Variants in MSRA observed in about 807,000 individuals in gnomAD.
The protein encoded by MSRA is methionine sulfoxide reductase A.
Under a neutral mutation model 31.3 loss-of-function variants are expected in MSRA, and 54 were observed. The observed-to-expected ratio is 1.73, with a 90% CI of 1.39 to 2.17. The LOEUF is 2.17. Ranked by LOEUF, MSRA falls within the 30% of genes most tolerant of loss-of-function variation. The pLI is 0.00. For missense variants in MSRA, 507 were observed against 300.9 expected (o/e 1.69, Z -5.07); for synonymous variants, 169 against 116.5 (o/e 1.45, Z -2.90).
At position 10,088,470 on chromosome 8, in the gene MSRA, C is replaced by A. The variant is rs891697518; in HGVS notation, c.142+33812C>A. On this transcript the variant is annotated intron_variant, in intron 1 of 5. Transcript: ENST00000317173. ...GAGGAACTGGCCAGGCGTGGTGGCT[C>A]ACACCTGTAATCCCAGCACTTCGGG... is the stretch of plus-strand genomic sequence containing the variant. Among the ~76,000 whole-genome samples, 3 of 152,044 alleles carry A rather than the reference C, an allele frequency of 2.0e-5. No homozygotes were observed. The East Asian group carries it at 5.8e-4, about 29-fold the overall frequency.
intron 1 of MSRA, among the ~76,000 whole-genome samples, chr8:10,158,599 G>C (rs986956309): frequency 2.0e-5 from 3 of 152,206 alleles, no homozygotes; most frequent in Non-Finnish European, 4.4e-5. Context: ...ATCCATAATT[G>C]TATGGAGACA....
chr8:10,342,544 T>G (rs1803493584), intron 5 of MSRA, among the ~76,000 whole-genome samples: 1 of 152,200 alleles, frequency 6.6e-6, no homozygotes, highest in African/African-American at 2.4e-5. Context: ...CTGCTGATCT[T>G]GATTGCACAG....
chr8:10,136,466 G>T (rs1260036355), intron 1 of MSRA, among the ~76,000 whole-genome samples: 5 of 152,166 alleles, frequency 3.3e-5, no homozygotes, highest in African/African-American at 7.2e-5. Flanking sequence ...CCCAGCTCGG[G>T]AGCCCACAAG....
chr8:10,306,181 C>T (rs1172295005), intron 4 of MSRA, among the ~76,000 whole-genome samples: 1 of 152,122 alleles, frequency 6.6e-6, no homozygotes, highest in African/African-American at 2.4e-5. Context: ...GGCCCCTTCC[C>T]AACCACATGA....
At chr8:10,057,211 G>A (rs1802421696) in intron 1 of MSRA, among the ~76,000 whole-genome samples, 2 of 152,292 alleles carry the variant, frequency 1.3e-5, no homozygotes, top group South Asian at 2.1e-4. Context: ...TTTGCAGCCT[G>A]CTGTGTTCAG....
chr8:10,390,843 G>T (rs2129179403), intron 5 of MSRA, among the ~76,000 whole-genome samples: 1 of 152,266 alleles, frequency 6.6e-6, no homozygotes, highest in East Asian at 1.9e-4. Flanking sequence ...GGGCGCGGTG[G>T]CAGGCGCCTG....
At chr8:10,330,820 T>C (rs1417356933) in intron 5 of MSRA, among the ~76,000 whole-genome samples, 1 of 152,204 alleles carries the variant, frequency 6.6e-6, no homozygotes, top group Admixed American at 6.5e-5. Context: ...TGATACAGCA[T>C]ATAAAGAAGC....
intron 1 of MSRA, among the ~76,000 whole-genome samples, chr8:10,161,957 A>C (rs36126674): frequency 9.9e-5 from 15 of 152,006 alleles, no homozygotes; most frequent in Non-Finnish European, 1.9e-4. Flanking sequence ...GTCTGAATAC[A>C]AGAGCGCACT....
chr8:10,130,410 C>G (rs1473311184), intron 1 of MSRA, among the ~76,000 whole-genome samples: 3 of 152,162 alleles, frequency 2.0e-5, no homozygotes, highest in Non-Finnish European at 2.9e-5. Context: ...ACATGTTAAG[C>G]TCTAACATGT....
chr8:10,360,508 G>A (rs1330112258), intron 5 of MSRA, among the ~76,000 whole-genome samples: 1 of 152,140 alleles, frequency 6.6e-6, no homozygotes, highest in East Asian at 1.9e-4. Context: ...TCTCATTGTA[G>A]CTGCCATCAT....
At chr8:10,290,467 C>T (rs940398412) in intron 3 of MSRA, among the ~76,000 whole-genome samples, 1 of 152,114 alleles carries the variant, frequency 6.6e-6, no homozygotes, top group Non-Finnish European at 1.5e-5. Context: ...TGTCCATTTC[C>T]TCCTTTGTGG....
At chr8:10,189,502 G>A (rs1807335987) in intron 1 of MSRA, among the ~76,000 whole-genome samples, 1 of 151,998 alleles carries the variant, frequency 6.6e-6, no homozygotes, top group South Asian at 2.1e-4. Context: ...TTTTTTATTA[G>A]CTTATCTCCC....
At chr8:10,086,623 G>A (rs182273978) in intron 1 of MSRA, among the ~76,000 whole-genome samples, 102 of 152,306 alleles carry the variant, frequency 6.7e-4, no homozygotes, top group Non-Finnish European at 1.0e-3. Flanking sequence ...ATGAGTTAAA[G>A]AGTGCAAAGT....
At chr8:10,278,694 T>C (rs185566491) in intron 3 of MSRA, among the ~76,000 whole-genome samples, 38 of 152,302 alleles carry the variant, frequency 2.5e-4, no homozygotes, top group African/African-American at 8.2e-4. Context: ...AGATGAGAGA[T>C]AGAGCTCTAC....
At chr8:10,149,357 C>T (rs1803453632) in intron 1 of MSRA, among the ~76,000 whole-genome samples, 3 of 152,128 alleles carry the variant, frequency 2.0e-5, no homozygotes, top group African/African-American at 7.2e-5. Flanking sequence ...TCCGCGACCT[C>T]AGGTGATCCG....
chr8:10,294,126 GGGAGGT>G (rs1207675661), intron 3 of MSRA, among the ~76,000 whole-genome samples: 2 of 151,834 alleles, frequency 1.3e-5, no homozygotes, highest in South Asian at 2.1e-4. Flanking sequence ...GCTTGAACCT[GGGAGGT>G]GGAGGTTCCA....
At chr8:10,220,471 G>T (rs1171468226) in intron 2 of MSRA, among the ~76,000 whole-genome samples, 1 of 152,248 alleles carries the variant, frequency 6.6e-6, no homozygotes, top group Non-Finnish European at 1.5e-5. Context: ...CACATAGTCA[G>T]ATGTGGCCTT....
At chr8:10,396,730 G>A (rs1042643566) in intron 5 of MSRA, among the ~76,000 whole-genome samples, 1 of 152,182 alleles carries the variant, frequency 6.6e-6, no homozygotes, top group African/African-American at 2.4e-5. Context: ...TTCTGTTTCT[G>A]TTTTTCCTCC....
intron 1 of MSRA, among the ~76,000 whole-genome samples, chr8:10,060,361 A>G (rs1399602429): frequency 6.6e-6 from 1 of 152,230 alleles, no homozygotes; most frequent in Non-Finnish European, 1.5e-5. Context: ...AGGTCTCAAC[A>G]GTGTATATAT....
Sources: gnomAD v4.1 joint callset for allele counts (sites outside exome capture counted in the v4.1 genomes callset) on GRCh38, gnomAD v4.1.1 for gene constraint, MANE v1.5 for transcripts, NCBI Gene and HGNC (gene_info 2026-07-23, HGNC 2026-07-21) for gene names.